ANO10: variants seen among roughly 807,000 people sequenced by gnomAD.
ANO10 encodes the protein anoctamin 10.
In ANO10, 77 loss-of-function variants were observed where a neutral mutation model predicts 74.7. The ratio of observed to expected loss-of-function variants is 1.03; its 90% CI spans 0.86 to 1.25. The LOEUF is 1.25. Among genes scored for constraint, ANO10 ranks in the 50% most tolerant of loss-of-function variants. The pLI is 0.00. For missense variants in ANO10, 721 were observed against 778.1 expected, an observed-to-expected ratio of 0.93 and a Z score of 0.87; for synonymous variants, 279 against 284.9, an observed-to-expected ratio of 0.98 and a Z score of 0.21.
At chr3:43,431,955 T>C (rs1161372267) in intron 12 of ANO10, among the ~76,000 whole-genome samples, 2 of 152,104 alleles carry the variant, frequency 1.3e-5, no homozygotes, top group African/African-American at 4.8e-5. Flanking sequence ...GCCCAGAGCT[T>C]GTCCCCTCAG....
intron 11 of ANO10, among the ~76,000 whole-genome samples, chr3:43,449,905 C>A (rs1014050780): frequency 7.9e-5 from 12 of 152,284 alleles, no homozygotes; most frequent in East Asian, 7.7e-4. Flanking sequence ...AGAATCCTCC[C>A]ATCCATAAAC....
At chr3:43,594,361 G>T (rs1367615639) in intron 4 of ANO10, among the ~76,000 whole-genome samples, 1 of 152,198 alleles carries the variant, frequency 6.6e-6, no homozygotes, top group African/African-American at 2.4e-5. Flanking sequence ...ATAGTCGGAA[G>T]TAAAGTACTC....
chr3:43,624,775 A>G (rs778977940), upstream of ANO10, among the ~76,000 whole-genome samples: 3 of 152,372 alleles, frequency 2.0e-5, no homozygotes, highest in Admixed American at 6.5e-5. Context: ...GATGATTCAC[A>G]TCGCAGGAGG....
At chr3:43,405,561 C>T (rs191374056) in intron 12 of ANO10, among the ~76,000 whole-genome samples, 4 of 152,328 alleles carry the variant, frequency 2.6e-5, no homozygotes, top group East Asian at 1.9e-4. Context: ...TCTCAGCTCA[C>T]TGCAGCCATG....
At chr3:43,551,629 T>C in intron 10 of ANO10, 1 of 453,894 alleles carries the variant, frequency 2.2e-6, no homozygotes, top group Non-Finnish European at 4.4e-6. Flanking sequence ...TATTCCAAAA[T>C]CACATATACA....
chr3:43,645,911 G>A (rs929923978), intron 1 of ANO10, among the ~76,000 whole-genome samples: 4 of 152,082 alleles, frequency 2.6e-5, no homozygotes, highest in Non-Finnish European at 4.4e-5. Flanking sequence ...AAGCTCAAGC[G>A]ATCCTCCTAC....
At chr3:43,450,413 C>T (rs966458793) in intron 11 of ANO10, among the ~76,000 whole-genome samples, 1 of 152,004 alleles carries the variant, frequency 6.6e-6, no homozygotes, top group Admixed American at 6.6e-5. Context: ...TGGTGGCGGA[C>T]ACCTGTAATC....
At chr3:43,537,850 C>T (rs902888215) in intron 11 of ANO10, among the ~76,000 whole-genome samples, 1 of 152,018 alleles carries the variant, frequency 6.6e-6, no homozygotes, top group South Asian at 2.1e-4. Context: ...TCTGTAAGCA[C>T]CCTGGAGTCC....
At chr3:43,415,541 C>CTTT (rs2092724987) in intron 12 of ANO10, among the ~76,000 whole-genome samples, 1 of 150,720 alleles carries the variant, frequency 6.6e-6, no homozygotes, top group African/African-American at 2.5e-5. Context: ...TTCTTTCTTT[C>CTTT]TTTCTTTTTT....
At chr3:43,662,233 G>C (rs1249734345) in intron 1 of ANO10, among the ~76,000 whole-genome samples, 2 of 152,160 alleles carry the variant, frequency 1.3e-5, no homozygotes, top group East Asian at 3.8e-4. Flanking sequence ...AATCAAATTA[G>C]AACTCAGGAT....
intron 1 of ANO10, among the ~76,000 whole-genome samples, chr3:43,637,421 A>G (rs1006355332): frequency 2.0e-5 from 3 of 149,106 alleles, no homozygotes; most frequent in Admixed American, 1.3e-4. Context: ...ATGAGCCGAG[A>G]TGGCGCCACT....
chr3:43,398,880 G>A (rs2092429870), intron 12 of ANO10, among the ~76,000 whole-genome samples: 1 of 152,192 alleles, frequency 6.6e-6, no homozygotes, highest in Non-Finnish European at 1.5e-5. Context: ...CCAGGCTGGA[G>A]TGAAGTGGCT....
intron 1 of ANO10, among the ~76,000 whole-genome samples, chr3:43,688,674 C>G (rs752653671): frequency 6.6e-6 from 1 of 152,022 alleles, no homozygotes; most frequent in African/African-American, 2.4e-5. Flanking sequence ...GAAACCCCAT[C>G]TCTACTAAAA....
intron 1 of ANO10, chr3:43,690,917 C>A: frequency 1.4e-6 from 2 of 1,474,578 alleles, no homozygotes; most frequent in South Asian, 2.6e-5. Context: ...CCTTAAGTGC[C>A]GCGCCAGCCC....
At chr3:43,414,967 C>CTTTTTTTTTT (rs60554785) in intron 12 of ANO10, among the ~76,000 whole-genome samples, 9 of 66,594 alleles carry the variant, frequency 1.4e-4, no homozygotes, top group East Asian at 4.0e-4. Flanking sequence ...TGTCATTGTG[C>CTTTTTTTTTT]TTTTTTTTTT....
intron 12 of ANO10, among the ~76,000 whole-genome samples, chr3:43,385,886 C>G (rs773023107): frequency 1.1e-4 from 17 of 152,198 alleles, no homozygotes; most frequent in South Asian, 6.2e-4. Context: ...TAACCAAACA[C>G]CACCTGTCCC....
chr3:43,627,563 C>T (rs987745993), intron 1 of ANO10, among the ~76,000 whole-genome samples: 1 of 152,244 alleles, frequency 6.6e-6, no homozygotes, highest in East Asian at 1.9e-4. Context: ...GAAGCCACAA[C>T]CTTCCTATTC....
chr3:43,383,453 CA>C (rs1235535066), intron 12 of ANO10, among the ~76,000 whole-genome samples: 152 of 50,872 alleles, frequency 3.0e-3, no homozygotes, highest in African/African-American at 7.9e-3. Context: ...GACTCTGTCT[CA>C]AAAAAAAAAA....
chr3:43,631,263 C>T (rs2083544817), intron 1 of ANO10, among the ~76,000 whole-genome samples: 1 of 152,188 alleles, frequency 6.6e-6, no homozygotes, highest in East Asian at 1.9e-4. Flanking sequence ...TGTGCACCAG[C>T]CTCATTTGAG....
Sources: gnomAD v4.1 joint callset for allele counts (sites outside exome capture counted in the v4.1 genomes callset) on GRCh38, gnomAD v4.1.1 for gene constraint, MANE v1.5 for transcripts, NCBI Gene and HGNC (gene_info 2026-07-23, HGNC 2026-07-21) for gene names.